CPEB1: variants seen among roughly 807,000 people sequenced by gnomAD.
The protein encoded by CPEB1 is cytoplasmic polyadenylation element binding protein 1, also known as cytoplasmic polyadenylation element-binding protein 1.
In CPEB1, 7 loss-of-function variants were observed where a neutral mutation model predicts 65.8. The ratio of observed to expected loss-of-function variants is 0.11; its 90% CI spans 0.06 to 0.20. The LOEUF (loss-of-function observed/expected upper bound fraction) is 0.20, where lower values mean the gene tolerates loss of function less well. Ranked by LOEUF, CPEB1 falls within the 10% of genes least tolerant of loss-of-function variation. The pLI, the probability that CPEB1 is intolerant of heterozygous loss-of-function variation, is 1.00. For synonymous variants in CPEB1, 262 were observed against 260.0 expected, an observed-to-expected ratio of 1.01 and a Z score of -0.08; for missense variants, 551 against 712.2, an observed-to-expected ratio of 0.77 and a Z score of 2.58.
intron 3 of CPEB1, among the ~76,000 whole-genome samples, chr15:82,594,437 C>T (rs1395474636): frequency 2.0e-5 from 3 of 152,180 alleles, no homozygotes; most frequent in African/African-American, 7.2e-5. Context: ...TTTTCTTGTG[C>T]AGCTTCCTCA....
intron 3 of CPEB1, among the ~76,000 whole-genome samples, chr15:82,603,490 A>T (rs1424233491): frequency 1.3e-5 from 2 of 150,376 alleles, no homozygotes; most frequent in Admixed American, 6.7e-5. Flanking sequence ...AGGCTTTATA[A>T]AAAACTCAAT....
intron 1 of CPEB1, among the ~76,000 whole-genome samples, chr15:82,646,454 G>A (rs1285667115): frequency 6.6e-6 from 1 of 152,148 alleles, no homozygotes; most frequent in Non-Finnish European, 1.5e-5. Context: ...CTGCAGGCGC[G>A]GGGCGGGGGA....
intron 4 of CPEB1, among the ~76,000 whole-genome samples, chr15:82,567,779 G>A (rs540893710): frequency 6.6e-6 from 1 of 152,302 alleles, no homozygotes; most frequent in South Asian, 2.1e-4. Flanking sequence ...TTCTGTACAA[G>A]GCATCATTAA....
chr15:82,577,187 T>C (rs1207929490), intron 3 of CPEB1, among the ~76,000 whole-genome samples: 1 of 152,204 alleles, frequency 6.6e-6, no homozygotes, highest in African/African-American at 2.4e-5. Context: ...TTGTTTTGTT[T>C]TTGCAGCTGA....
Position 82,547,125 on chromosome 15 carries a change from A to AT in CPEB1, c.1575+17dup, listed in dbSNP as rs2035371265. 1 of 1,587,042 alleles carries AT rather than the reference A, an allele frequency of 6.3e-7. No homozygotes were observed. Among genetic ancestry groups the AT allele is most frequent in the Non-Finnish European group, 8.7e-7 (1 of 1,155,704 alleles). On this transcript the variant is annotated intron_variant, in intron 11 of 12. Coordinates refer to ENST00000684509, the MANE Select transcript of CPEB1 (RefSeq NM_001365242.1). ...CTCTCATATACCCCAGAGTAAGGGCATAAACCAGCCAACTCACCTTCTTTG... is the reference window on the plus strand; with the variant it reads ...CTCTCATATACCCCAGAGTAAGGGCATTAAACCAGCCAACTCACCTTCTTTG...
intron 1 of CPEB1, chr15:82,633,299 T>C (rs1024864170): frequency 6.6e-6 from 1 of 152,218 alleles, no homozygotes; most frequent in Non-Finnish European, 1.5e-5. Flanking sequence ...TAGACACAAA[T>C]ACCCTCAAGA....
rs149538673 is a variant in CPEB1 at position 82,581,067 on chromosome 15, T to C, written c.272-9535A>G. 3.9e-4 allele frequency among the ~76,000 whole-genome samples: 59 copies of C among 152,248 alleles called. 2 individuals are homozygous for C. In the East Asian group the frequency reaches 0.01, roughly 27 times the overall value. Reference sequence around the variant, plus strand: ...ATGTTGCCCAGGCTGTTGCTGAACCTCTGGGCTCAAGTGATCCACCCACCT... The same window carrying C: ...ATGTTGCCCAGGCTGTTGCTGAACCCCTGGGCTCAAGTGATCCACCCACCT... On this transcript the variant is annotated intron_variant, in intron 3 of 12. Coordinates refer to ENST00000684509, the MANE Select transcript of CPEB1 (RefSeq NM_001365242.1).
At chr15:82,647,659 G>GA, upstream of CPEB1, 1 of 373,338 alleles carries the variant, frequency 2.7e-6, no homozygotes, top group Non-Finnish European at 4.6e-6. Flanking sequence ...GAGTCACGAG[G>GA]AGGCTCCCTG....
At chr15:82,638,956 C>T (rs996186950) in intron 1 of CPEB1, among the ~76,000 whole-genome samples, 2 of 152,158 alleles carry the variant, frequency 1.3e-5, no homozygotes, top group African/African-American at 4.8e-5. Flanking sequence ...TTTTACTCAC[C>T]CCCATTGCTT....
chr15:82,611,841 T>G (rs910087430), intron 3 of CPEB1, among the ~76,000 whole-genome samples: 8 of 150,222 alleles, frequency 5.3e-5, no homozygotes, highest in African/African-American at 2.0e-4. Flanking sequence ...AAAAGAAATG[T>G]ATAACAGAAT....
chr15:82,623,056 A>C (rs1217238983), intron 3 of CPEB1, among the ~76,000 whole-genome samples: 1 of 152,226 alleles, frequency 6.6e-6, no homozygotes, highest in Admixed American at 6.5e-5. Flanking sequence ...CAGGTCATTT[A>C]ACAGCTCTTT....
At chr15:82,599,187 T>C (rs1037165848) in intron 3 of CPEB1, among the ~76,000 whole-genome samples, 1 of 152,160 alleles carries the variant, frequency 6.6e-6, no homozygotes, top group African/African-American at 2.4e-5. Flanking sequence ...TAAAATATTA[T>C]GCAGGAGAAT....
chr15:82,613,379 GTTTT>G (rs1169465337), intron 3 of CPEB1, among the ~76,000 whole-genome samples: 1 of 151,966 alleles, frequency 6.6e-6, no homozygotes, highest in Non-Finnish European at 1.5e-5. Flanking sequence ...TTTCTTGGGG[GTTTT>G]TTTGTTTTGT....
intron 4 of CPEB1, 27 bp downstream of exon 4, chr15:82,571,317 C>G: frequency 6.3e-7 from 1 of 1,598,028 alleles, no homozygotes; most frequent in Non-Finnish European, 8.5e-7. Context: ...TCCCCTTACC[C>G]CAGCCAACTC....
chr15:82,646,663 G>C lies in CPEB1; in HGVS notation c.-98+474C>G, dbSNP rs950352239. 3.3e-5 allele frequency among the ~76,000 whole-genome samples: 5 copies of C among 152,148 alleles called. 1 individual carries two copies. The highest frequency in any genetic ancestry group is 4.4e-5 in the Non-Finnish European group (3 of 68,008). ...CCCAGGCGTCTGCCTGGCTTTTCTC[G>C]GTCACGGGGTCAACGCGGGGCCGCT... On this transcript the variant is annotated intron_variant, in intron 1 of 12. Coordinates refer to ENST00000684509, the MANE Select transcript of CPEB1 (RefSeq NM_001365242.1).
At chr15:82,616,587 G>C (rs766899841) in intron 3 of CPEB1, among the ~76,000 whole-genome samples, 1 of 140,114 alleles carries the variant, frequency 7.1e-6, no homozygotes, top group Non-Finnish European at 1.5e-5. Flanking sequence ...TCATCGCCCA[G>C]ACTGGAGTGC....
intron 3 of CPEB1, among the ~76,000 whole-genome samples, chr15:82,605,213 C>A (rs72751668): frequency 0.023 from 3,537 of 152,196 alleles, 57 homozygotes; most frequent in Middle Eastern, 0.068. Context: ...TAGCAGACCT[C>A]CCCTACAACA....
intron 4 of CPEB1, among the ~76,000 whole-genome samples, chr15:82,560,918 G>T (rs1333080011): frequency 6.6e-6 from 1 of 152,204 alleles, no homozygotes; most frequent in African/African-American, 2.4e-5. Context: ...TTCCCCCAAG[G>T]GGGTATGAAG....
intron 3 of CPEB1, among the ~76,000 whole-genome samples, chr15:82,599,161 G>A (rs2042902207): frequency 6.6e-6 from 1 of 152,086 alleles, no homozygotes; most frequent in Non-Finnish European, 1.5e-5. Context: ...GAGGTGGAAA[G>A]AAAAAGCAGT....
Sources: gnomAD v4.1 joint callset for allele counts (sites outside exome capture counted in the v4.1 genomes callset) on GRCh38, gnomAD v4.1.1 for gene constraint, MANE v1.5 for transcripts, NCBI Gene and HGNC (gene_info 2026-07-23, HGNC 2026-07-21) for gene names.